Variants in PARVA observed in about 807,000 individuals in gnomAD.
The protein encoded by PARVA is alpha-parvin.
In PARVA, 25 loss-of-function variants were observed where a neutral mutation model predicts 52.6. The ratio of observed to expected loss-of-function variants is 0.48; its 90% confidence interval spans 0.35 to 0.66. The LOEUF is 0.66. Ranked by LOEUF, PARVA falls within the 30% of genes least tolerant of loss-of-function variation. PARVA has a pLI of 0.01. For missense variants in PARVA, 373 were observed against 450.9 expected, an observed-to-expected ratio of 0.83 and a Z score of 1.56; for synonymous variants, 185 against 179.1, an observed-to-expected ratio of 1.03 and a Z score of -0.26.
rs374866592 is a variant in PARVA, at chr11:12,382,830, C to T, written c.136+5047C>T. ...CATCTATAAAATGAGAATAAGAATT[C>T]CTTCTTTACATGGAAGTTGTGAGGT... On this transcript the variant is annotated intron_variant, in intron 1 of 12. Transcript: ENST00000334956. Among the ~76,000 whole-genome samples, 6 of 152,288 alleles carry T rather than the reference C, an allele frequency of 3.9e-5. No homozygotes were observed. The South Asian group carries it at 6.2e-4, about 16-fold the overall frequency.
At chr11:12,442,138 C>A (rs754394350) in intron 1 of PARVA, among the ~76,000 whole-genome samples, 1 of 152,234 alleles carries the variant, frequency 6.6e-6, no homozygotes, top group African/African-American at 2.4e-5. Context: ...CTTAATCATA[C>A]TCTTCAGAGC....
intron 1 of PARVA, among the ~76,000 whole-genome samples, chr11:12,396,573 A>G (rs933866601): frequency 6.6e-6 from 1 of 152,196 alleles, no homozygotes. Flanking sequence ...CTTGAAGATG[A>G]AAGGAATTGA....
chr11:12,486,914 A>C (rs1159210133), intron 4 of PARVA, among the ~76,000 whole-genome samples: 1 of 152,226 alleles, frequency 6.6e-6, no homozygotes, highest in African/African-American at 2.4e-5. Flanking sequence ...AGAGTTTTAG[A>C]CTGTATTGTT....
At chr11:12,387,470 G>A (rs1330557990) in intron 1 of PARVA, among the ~76,000 whole-genome samples, 2 of 152,116 alleles carry the variant, frequency 1.3e-5, no homozygotes, top group African/African-American at 4.8e-5. Flanking sequence ...CCCATAGAGG[G>A]AGTCCCCAGG....
Position 12,524,721 on chromosome 11 carries a change from A to T in PARVA, c.1043-3128A>T, listed in dbSNP as rs113114173. Among the ~76,000 whole-genome samples, 606 of 152,164 alleles carry T rather than the reference A, an allele frequency of 4.0e-3. 5 individuals are homozygous for T. The highest frequency in any genetic ancestry group is 0.014 in the African/African-American group (565 of 41,510). ...GGCCCTCTTGTCCACCCTCTCTGGA[A>T]TTTTTTTCCTTGGCTTCCAAGACGG... On this transcript the variant is annotated intron_variant, in intron 12 of 12. Coordinates refer to ENST00000334956, the MANE Select transcript of PARVA (RefSeq NM_018222.5).
intron 1 of PARVA, among the ~76,000 whole-genome samples, chr11:12,412,577 G>A (rs917420074): frequency 2.0e-5 from 3 of 152,180 alleles, no homozygotes; most frequent in Admixed American, 6.5e-5. Context: ...TGTGTCAAAA[G>A]AGAGGTCTGT....
intron 1 of PARVA, among the ~76,000 whole-genome samples, chr11:12,434,567 T>C (rs1346896097): frequency 6.6e-6 from 1 of 152,282 alleles, no homozygotes; most frequent in South Asian, 2.1e-4. Context: ...TGGATCATTC[T>C]ATGTCTGAAC....
At chr11:12,444,544 A>G (rs902390476) in intron 1 of PARVA, among the ~76,000 whole-genome samples, 3 of 152,080 alleles carry the variant, frequency 2.0e-5, no homozygotes, top group African/African-American at 7.2e-5. Flanking sequence ...TCCTGGGTTC[A>G]AGTGATCTGC....
At chr11:12,484,757 T>C (rs2135048786) in intron 4 of PARVA, among the ~76,000 whole-genome samples, 1 of 151,832 alleles carries the variant, frequency 6.6e-6, no homozygotes, top group East Asian at 1.9e-4. Flanking sequence ...AGTAGGAGTT[T>C]GGGAAAGGTT....
At chr11:12,525,621 G>A (rs1426162180) in intron 12 of PARVA, among the ~76,000 whole-genome samples, 2 of 152,138 alleles carry the variant, frequency 1.3e-5, no homozygotes, top group Non-Finnish European at 2.9e-5. Flanking sequence ...GGCCTAGAGG[G>A]CATGGGATTC....
rs534925615 is a variant in PARVA, at chr11:12,445,641, C to G, written c.137-28104C>G. On this transcript the variant is annotated intron_variant, in intron 1 of 12. Transcript: ENST00000334956. ...GCTGTATTGCCATTCTGCCTGCCCT[C>G]GTAAGGTTGGGCTCAGGACTTGGGT... Among the ~76,000 whole-genome samples, 18 of 152,234 alleles carry G rather than the reference C, an allele frequency of 1.2e-4. No homozygotes were observed. In the East Asian group the frequency reaches 3.5e-3, roughly 29 times the overall value.
rs751034428 is a variant in PARVA, at chr11:12,533,828, G to GAGT, written c.*5905_*5906insTAG. The stretch of plus-strand genomic sequence containing the variant: ...GTAGGCGGAGGAGGAGGAGGAGGAG[G>GAGT]AGGAGTAGGGGTTGGTCTTGCTGTC... On this transcript the variant is annotated 3_prime_UTR_variant, in exon 13 of 13. Transcript: ENST00000334956. Among the ~76,000 whole-genome samples the GAGT allele has an allele frequency of 6.6e-6, 1 of 151,922 alleles. No homozygotes were observed. The highest frequency in any genetic ancestry group is 1.5e-5 in the Non-Finnish European group (1 of 67,970).
chr11:12,504,238 A>G (rs147391804), intron 5 of PARVA, 76 bp from the exon 6 acceptor site: 42 of 797,988 alleles, frequency 5.3e-5, no homozygotes, highest in Admixed American at 8.2e-5. Context: ...GGGTACTACT[A>G]CACTTTGAAC....
chr11:12,445,176 C>T (rs1210718070), intron 1 of PARVA, among the ~76,000 whole-genome samples: 2 of 152,142 alleles, frequency 1.3e-5, no homozygotes, highest in African/African-American at 4.8e-5. Context: ...TGGCACACTC[C>T]AATTGATTAA....
At chr11:12,480,320 G>A (rs1437808774) in intron 4 of PARVA, 1 of 151,910 alleles carries the variant, frequency 6.6e-6, no homozygotes, top group South Asian at 2.1e-4. Flanking sequence ...GTATTAATGA[G>A]TGTTAATATT....
chr11:12,389,270 T>TATATC (rs1203879542), intron 1 of PARVA, among the ~76,000 whole-genome samples: 4 of 152,124 alleles, frequency 2.6e-5, no homozygotes, highest in Non-Finnish European at 5.9e-5. Context: ...GATGGCCCTG[T>TATATC]ATATCACCCC....
rs752097398 is a variant in PARVA at position 12,518,492 on chromosome 11, G to C, written c.1017G>C (p.Leu339Phe). Residue 339 changes from leucine to phenylalanine, a missense_variant, in exon 12 of 13, where the codon TTG becomes TTC. Coordinates refer to ENST00000334956, the MANE Select transcript of PARVA (RefSeq NM_018222.5). ...FAFELMQDGG[L>F]EKPKPRPEDI... ...TTGAGCTCATGCAAGATGGAGGGTTGGAAAAGCCAAAACCGCGGCCAGAAG... is the reference window on the plus strand; with the variant it reads ...TTGAGCTCATGCAAGATGGAGGGTTCGAAAAGCCAAAACCGCGGCCAGAAG... 2 of 1,613,672 alleles carry C rather than the reference G, an allele frequency of 1.2e-6. No individual in the cohort carries two copies. The highest frequency in any genetic ancestry group is 3.3e-5 in the Admixed American group (2 of 59,996).
chr11:12,449,372 G>A lies in PARVA; in HGVS notation c.137-24373G>A, dbSNP rs536044241. Among the ~76,000 whole-genome samples, 4 of 152,120 alleles carry A rather than the reference G, an allele frequency of 2.6e-5. No individual in the cohort carries two copies. The South Asian group carries it at 8.3e-4, about 32-fold the overall frequency. ...GGGTTTTGCCATGTTGGATAGGCTG[G>A]TTTCAAACTCCTGGCCTCAAGTGAT... On this transcript the variant is annotated intron_variant, in intron 1 of 12. Transcript: ENST00000334956.
At chr11:12,464,077 C>T (rs747127466) in intron 1 of PARVA, among the ~76,000 whole-genome samples, 13 of 151,224 alleles carry the variant, frequency 8.6e-5, no homozygotes, top group Non-Finnish European at 1.8e-4. Flanking sequence ...TTCCAAGGAG[C>T]CCTGGTTACT....
Sources: gnomAD v4.1 joint callset for allele counts (sites outside exome capture counted in the v4.1 genomes callset) on GRCh38, gnomAD v4.1.1 for gene constraint, MANE v1.5 for transcripts, NCBI Gene and HGNC (gene_info 2026-07-23, HGNC 2026-07-21) for gene names.